XPNPEP2: variants seen among roughly 807,000 people sequenced by gnomAD.
The protein encoded by XPNPEP2 is X-prolyl aminopeptidase 2.
Under a neutral mutation model 59.8 loss-of-function variants are expected in XPNPEP2, and 64 were observed. That is an observed-to-expected ratio of 1.07 (90% confidence interval 0.87 to 1.32). The LOEUF is 1.32. XPNPEP2 is among the 40% of genes most tolerant of loss of function. XPNPEP2 has a pLI of 0.00. For missense variants in XPNPEP2, 575 were observed against 546.8 expected, an observed-to-expected ratio of 1.05 and a Z score of -0.51; for synonymous variants, 235 against 210.0, an observed-to-expected ratio of 1.12 and a Z score of -1.03.
chrX:129,765,309 A>G (rs1357888570), intron 19 of XPNPEP2, among the ~76,000 whole-genome samples: 3 of 111,926 alleles, frequency 2.7e-5, no homozygotes, highest in Non-Finnish European at 5.6e-5. Context: ...AATTTTTACT[A>G]TATTTGCCAT....
chrX:129,755,473 A>T, intron 13 of XPNPEP2, 102 bp downstream of exon 13: 3 of 835,208 alleles, frequency 3.6e-6, no homozygotes, highest in East Asian at 3.2e-5. Context: ...ACCTGAGTCC[A>T]CGTTGAAGGT....
intron 1 of XPNPEP2, among the ~76,000 whole-genome samples, chrX:129,739,484 T>G (rs1332482623): frequency 4.5e-5 from 5 of 112,032 alleles, no homozygotes; most frequent in Admixed American, 1.9e-4. Context: ...AAAAATATTC[T>G]GACACTCGTT....
Position 129,752,174 on chromosome X carries a change from T to G in XPNPEP2, c.846T>G (p.Phe282Leu). 8.3e-7 allele frequency: 1 copy of G among 1,211,625 alleles called. No homozygotes were observed. Among genetic ancestry groups the G allele is most frequent in the Non-Finnish European group, 1.1e-6 (1 of 895,466 alleles). The change falls in exon 10 of 21, where the codon TTT (phenylalanine) becomes TTG (leucine). Residue 282 changes from phenylalanine (F) to leucine (L), a missense_variant. Phe to Leu is a conservative substitution (Grantham distance 22, BLOSUM62 0). Coordinates refer to ENST00000371106, the MANE Select transcript of XPNPEP2 (RefSeq NM_003399.6). ...SIRLFANKSR[F>L]SSETLSYLNS... is the part of the protein sequence containing the mutation. ...GGTTGTTTGCAAACAAGAGTCGCTT[T>G]AGCTCCGAAACCTTGAGCTATCTGA...
At chrX:129,761,360 T>A (rs1926654304) in intron 17 of XPNPEP2, 84 bp downstream of exon 17, 2 of 860,738 alleles carry the variant, frequency 2.3e-6, no homozygotes, top group South Asian at 4.7e-5. Flanking sequence ...GGTATGGAAA[T>A]GACAAAGACC....
Position 129,742,147 on chromosome X carries a change from GGCAGGAT to G in XPNPEP2, c.91_97del (p.Gln31Ter), listed in dbSNP as rs1926197780. On this transcript the variant is annotated frameshift_variant, in exon 2 of 21. Coordinates refer to ENST00000371106, the MANE Select transcript of XPNPEP2 (RefSeq NM_003399.6). LOFTEE classifies it high-confidence loss of function. ...CACACAAAGCCAGTGGACCTTGGAGGGCAGGATGTGAGAAACTGTTCCACCAACCCCC... is the reference window on the plus strand; with the variant it reads ...CACACAAAGCCAGTGGACCTTGGAGGGTGAGAAACTGTTCCACCAACCCCC... 1 of 1,209,894 alleles carries G rather than the reference GGCAGGAT, an allele frequency of 8.3e-7. No individual in the cohort carries two copies. Among genetic ancestry groups the G allele is most frequent in the Non-Finnish European group, 1.1e-6 (1 of 894,565 alleles).
At chrX:129,763,404 A>G (rs1926692297) in intron 19 of XPNPEP2, among the ~76,000 whole-genome samples, 2 of 112,544 alleles carry the variant, frequency 1.8e-5, no homozygotes, top group Non-Finnish European at 3.8e-5. Flanking sequence ...GCAGTGCCTC[A>G]TGCCTGTAAT....
chrX:129,765,699 G>A (rs1185411510), intron 19 of XPNPEP2, among the ~76,000 whole-genome samples: 3 of 98,674 alleles, frequency 3.0e-5, no homozygotes, highest in Non-Finnish European at 6.0e-5. Flanking sequence ...GTGCAGTGGC[G>A]AGATCTTGGC....
chrX:129,745,081 G>C lies in XPNPEP2; in HGVS notation c.235-122G>C, dbSNP rs1230614016. The stretch of plus-strand genomic sequence containing the variant: ...CCTGGAAGAGGCACTTGGTGTGCTT[G>C]GGCTTGTAGCTGACAAGGGGTTGGA... On this transcript the variant is annotated intron_variant, in intron 3 of 20. Transcript: ENST00000371106. 3 of 800,476 alleles carry C rather than the reference G, an allele frequency of 3.7e-6. No homozygotes were observed. The African/African-American group carries it at 6.1e-5, about 16-fold the overall frequency. 66.0% of individuals were successfully genotyped at this position (800,476 alleles called of 1,213,427 possible).
At chrX:129,747,491 G>C in intron 6 of XPNPEP2, 116 bp from the exon 7 acceptor site, 2 of 1,047,452 alleles carry the variant, frequency 1.9e-6, no homozygotes, top group South Asian at 2.1e-5. Context: ...GGCAGGCTCC[G>C]GGCAGCTGGG....
chrX:129,760,509 C>G lies in XPNPEP2; in HGVS notation c.1429-3C>G. Reference sequence around the variant, plus strand: ...CCATATCACCTCTTCCTCTCCCCATCAGGAGGCATACACCCGTGTGCTGAT... The same window carrying G: ...CCATATCACCTCTTCCTCTCCCCATGAGGAGGCATACACCCGTGTGCTGAT... On this transcript the variant is annotated splice_region_variant and splice_polypyrimidine_tract_variant and intron_variant, in intron 15 of 20. Transcript: ENST00000371106. 8.3e-7 allele frequency: 1 copy of G among 1,210,849 alleles called. No homozygotes were observed. The highest frequency in any genetic ancestry group is 1.1e-6 in the Non-Finnish European group (1 of 894,670).
At chrX:129,765,451 C>T (rs769590830) in intron 19 of XPNPEP2, among the ~76,000 whole-genome samples, 1 of 110,935 alleles carries the variant, frequency 9.0e-6, no homozygotes, top group Non-Finnish European at 1.9e-5. Context: ...TAGATATTGT[C>T]AAACTGCCCT....
intron 19 of XPNPEP2, among the ~76,000 whole-genome samples, chrX:129,764,386 TG>T (rs1226751014): frequency 7.2e-5 from 8 of 110,882 alleles, no homozygotes; most frequent in African/African-American, 2.6e-4. Flanking sequence ...CCGGGCGTGG[TG>T]GCTTATGCCT....
chrX:129,740,991 C>G (rs925122187), intron 1 of XPNPEP2, among the ~76,000 whole-genome samples: 1 of 108,491 alleles, frequency 9.2e-6, no homozygotes, highest in Non-Finnish European at 1.9e-5. Context: ...TCCCCACACT[C>G]AGGGCCCCAT....
rs767178210 is a variant in XPNPEP2, at chrX:129,746,300, T to C, written c.363T>C (p.Ala121=). The C allele has an allele frequency of 3.0e-5, 36 of 1,209,807 alleles. No individual in the cohort carries two copies. The highest frequency in any genetic ancestry group is 3.7e-5 in the Non-Finnish European group (33 of 895,317). Residue 121 remains alanine (A), a synonymous_variant, in exon 5 of 21, where the codon GCT becomes GCC. Transcript: ENST00000371106. ...CCGACAGTCGCTACTGGACTCAGGC[T>C]GAGCGGCAGATGGACTGCAACTGGG... The part of the protein sequence containing the change: ...VWTDSRYWTQ[A]ERQMDCNWEL...
intron 12 of XPNPEP2, among the ~76,000 whole-genome samples, 194 bp from the exon 13 acceptor site, chrX:129,755,100 C>T (rs1309489828): frequency 8.9e-6 from 1 of 112,195 alleles, no homozygotes; most frequent in East Asian, 2.8e-4. Flanking sequence ...ACAGTGTGTC[C>T]TCTGATCTTC....
At chrX:129,752,487 C>T (rs1482462049) in intron 10 of XPNPEP2, 142 bp downstream of exon 10, 3 of 626,337 alleles carry the variant, frequency 4.8e-6, no homozygotes, top group Non-Finnish European at 4.8e-6. Context: ...CCCTTCTTGG[C>T]CTAACTGGGA....
intron 18 of XPNPEP2, 135 bp downstream of exon 18, chrX:129,762,200 C>A (rs1602911480): frequency 3.1e-6 from 2 of 645,558 alleles, no homozygotes; most frequent in South Asian, 2.5e-5. Context: ...CTCCCCATTC[C>A]CACCGCTACG....
In XPNPEP2 at chrX:129,746,644, A is replaced by G. The variant is rs751590991; in HGVS notation, c.453A>G (p.Gly151=). ...VTWLLTEIPA[G]GRVGFDPFLL... ...GGCTCCTCACCGAGATTCCTGCTGG[A>G]GGGCGTGTGGGTTTTGACCCCTTCC... Residue 151 remains glycine (G), a synonymous_variant, in exon 6 of 21, where the codon GGA becomes GGG. Transcript: ENST00000371106. 4.1e-6 allele frequency: 5 copies of G among 1,206,775 alleles called. No individual in the cohort carries two copies. The African/African-American group carries it at 8.9e-5, about 22-fold the overall frequency.
In XPNPEP2 at chrX:129,761,211, A is replaced by T; in HGVS notation, c.1538A>T (p.Asp513Val). Residue 513 changes from aspartate to valine, a missense_variant, in exon 17 of 21, where the codon GAT becomes GTT. Asp to Val is a radical substitution (Grantham distance 152). Coordinates refer to ENST00000371106, the MANE Select transcript of XPNPEP2 (RefSeq NM_003399.6). ...VEAFARRALW[D>V]AGLNYGHGTG... is the part of the protein sequence containing the mutation. ...GCCTTTGCCCGCAGAGCCTTGTGGG[A>T]TGCTGGTCTCAATTATGGTCATGGG... 1 of 1,211,940 alleles carries T rather than the reference A, an allele frequency of 8.3e-7. No individual in the cohort carries two copies. Among genetic ancestry groups the T allele is most frequent in the Non-Finnish European group, 1.1e-6 (1 of 895,517 alleles).
Sources: allele counts gnomAD v4.1 joint callset (sites outside exome capture counted in the v4.1 genomes callset), GRCh38; gene constraint gnomAD v4.1.1; transcripts MANE v1.5; gene names NCBI Gene and HGNC (gene_info 2026-07-23, HGNC 2026-07-21).